The following OCA2 variants were observed in gnomAD, a reference collection of about 807,000 sequenced individuals.
OCA2 encodes the protein P protein.
Under a neutral mutation model 100.2 loss-of-function variants are expected in OCA2, and 77 were observed. That is an observed-to-expected ratio of 0.77 (90% CI 0.64 to 0.93). OCA2 has a LOEUF of 0.93. Among genes scored for constraint, OCA2 ranks in the 40% least tolerant of loss-of-function variants. OCA2 has a pLI of 0.00. For synonymous variants in OCA2, 432 were observed against 439.2 expected, an observed-to-expected ratio of 0.98 and a Z score of 0.21; for missense variants, 1,062 against 1,089.1, an observed-to-expected ratio of 0.98 and a Z score of 0.35.
intron 23 of OCA2, among the ~76,000 whole-genome samples, chr15:27,817,616 A>C (rs1326882868): frequency 6.6e-6 from 1 of 151,940 alleles, no homozygotes; most frequent in Non-Finnish European, 1.5e-5. Flanking sequence ...ACCCTCCATG[A>C]TCCTCTTAGA....
At chr15:27,814,388 G>A (rs994323931) in intron 23 of OCA2, among the ~76,000 whole-genome samples, 1 of 152,178 alleles carries the variant, frequency 6.6e-6, no homozygotes, top group Non-Finnish European at 1.5e-5. Flanking sequence ...ATTGACAAAA[G>A]ACTGAGGAAG....
chr15:27,879,938 C>T lies in OCA2; in HGVS notation c.2080-8016G>A, dbSNP rs2036947571. On this transcript the variant is annotated intron_variant, in intron 19 of 23. Transcript: ENST00000354638. The stretch of plus-strand genomic sequence containing the variant: ...TGAAATCTATGTTTGTGCCTATGTC[C>T]TGAATGGTATTGCCTAGATTTTCTT... Among the ~76,000 whole-genome samples, 3 of 152,212 alleles carry T rather than the reference C, an allele frequency of 2.0e-5. No homozygotes were observed. In the South Asian group the frequency reaches 6.2e-4, roughly 32 times the overall value.
chr15:27,918,997 G>C (rs2038767139), intron 19 of OCA2, among the ~76,000 whole-genome samples: 1 of 152,130 alleles, frequency 6.6e-6, no homozygotes, highest in South Asian at 2.1e-4. Context: ...AGTGAAATAA[G>C]CTATAAAGAA....
intron 7 of OCA2, among the ~76,000 whole-genome samples, chr15:28,017,215 G>C (rs1274497062): frequency 6.6e-6 from 1 of 152,190 alleles, no homozygotes; most frequent in African/African-American, 2.4e-5. Flanking sequence ...TGTTTGCAAA[G>C]AGCGTATCTG....
In OCA2 at chr15:27,851,447, T is replaced by G. The variant is rs752888326; in HGVS notation, c.2273A>C (p.Asp758Ala). Reference protein sequence around the residue: ...MIPVLLNLSHDPEVGLPAPPL... With the variant: ...MIPVLLNLSHAPEVGLPAPPL... ...CGGTGCGGGCAGGCCAACCTCAGGG[T>G]CGTGGCTCAGGTTCAGGAGCACGGG... Residue 758 changes from aspartate to alanine, a missense_variant, in exon 22 of 24, where the codon GAC becomes GCC. Asp to Ala is a moderately radical substitution (Grantham distance 126). Transcript: ENST00000354638. 6.2e-7 allele frequency: 1 copy of G among 1,613,628 alleles called. No homozygotes were observed. Among genetic ancestry groups the G allele is most frequent in the African/African-American group, 1.3e-5 (1 of 74,894 alleles).
intron 14 of OCA2, among the ~76,000 whole-genome samples, chr15:27,975,895 T>G (rs975052579): frequency 6.6e-6 from 1 of 152,200 alleles, no homozygotes; most frequent in Non-Finnish European, 1.5e-5. Context: ...TTAACAATAT[T>G]GAGTTTTCCA....
intron 2 of OCA2, among the ~76,000 whole-genome samples, chr15:28,050,191 G>A (rs539131532): frequency 6.6e-6 from 1 of 152,202 alleles, no homozygotes; most frequent in Admixed American, 6.5e-5. Flanking sequence ...AGGGTGAGGT[G>A]GGAGGATCGC....
chr15:27,883,092 G>C lies in OCA2; in HGVS notation c.2080-11170C>G, dbSNP rs182255398. On this transcript the variant is annotated intron_variant, in intron 19 of 23. Coordinates refer to ENST00000354638, the MANE Select transcript of OCA2 (RefSeq NM_000275.3). ...GGGGCTTCTTTGGCTCTCTCTTCTG[G>C]TTTTCCCCCACACTCCCTGGCCTGC... Among the ~76,000 whole-genome samples the C allele has an allele frequency of 2.0e-5, 3 of 152,158 alleles. No individual in the cohort carries two copies. In the East Asian group the frequency reaches 5.8e-4, roughly 29 times the overall value.
intron 23 of OCA2, among the ~76,000 whole-genome samples, chr15:27,837,344 A>T (rs2151341600): frequency 6.6e-6 from 1 of 152,324 alleles, no homozygotes; most frequent in East Asian, 1.9e-4. Flanking sequence ...ATGCCACATC[A>T]CTGCATCTGC....
rs943684890 is a variant in OCA2, at chr15:27,983,559, T to C, written c.1365-76A>G. 2.6e-6 allele frequency: 4 copies of C among 1,536,302 alleles called. No homozygotes were observed. In the African/African-American group the frequency reaches 4.1e-5, roughly 16 times the overall value. On this transcript the variant is annotated intron_variant, in intron 13 of 23. Transcript: ENST00000354638. Reference sequence around the variant, plus strand: ...AGGCCCACATGCAACCCAGAGATTTTTAAGGCGCTTGCTCGTATAAGGGAG... The same window carrying C: ...AGGCCCACATGCAACCCAGAGATTTCTAAGGCGCTTGCTCGTATAAGGGAG...
chr15:27,913,899 GC>G (rs1567098723), intron 19 of OCA2, among the ~76,000 whole-genome samples: 528 of 32,764 alleles, frequency 0.016, 57 homozygotes, highest in South Asian at 0.11. Context: ...AAGAAAGCAA[GC>G]AAGCAAGCAA....
At chr15:27,756,503 A>G (rs16950401) in intron 23 of OCA2, among the ~76,000 whole-genome samples, 1,946 of 152,370 alleles carry the variant, frequency 0.013, 34 homozygotes, top group African/African-American at 0.038. Flanking sequence ...AAAAAGAAAC[A>G]CAGAACATAT....
chr15:27,863,921 G>C (rs2036226009), intron 21 of OCA2, among the ~76,000 whole-genome samples: 1 of 152,004 alleles, frequency 6.6e-6, no homozygotes, highest in East Asian at 1.9e-4. Flanking sequence ...GTGTCGGTGG[G>C]ACACAGTGGA....
chr15:27,775,334 T>C (rs2032148997), intron 23 of OCA2, among the ~76,000 whole-genome samples: 1 of 152,194 alleles, frequency 6.6e-6, no homozygotes, highest in African/African-American at 2.4e-5. Context: ...GCAGGGGCCA[T>C]GCTGCCCAGA....
intron 23 of OCA2, among the ~76,000 whole-genome samples, chr15:27,763,729 G>A (rs1437342043): frequency 6.6e-6 from 1 of 152,214 alleles, no homozygotes; most frequent in Non-Finnish European, 1.5e-5. Flanking sequence ...TGCTGGGCTG[G>A]GAGGAGACTG....
intron 14 of OCA2, among the ~76,000 whole-genome samples, chr15:27,968,080 C>T (rs1011176563): frequency 3.3e-5 from 5 of 152,134 alleles, no homozygotes; most frequent in Non-Finnish European, 7.4e-5. Flanking sequence ...AAGTCAGCAG[C>T]GTCATTGGTT....
At chr15:28,024,076 C>G (rs1009211824) in intron 5 of OCA2, among the ~76,000 whole-genome samples, 1 of 152,214 alleles carries the variant, frequency 6.6e-6, no homozygotes, top group Non-Finnish European at 1.5e-5. Flanking sequence ...ACAAAGCACA[C>G]CAAGGCTGGC....
At chr15:28,087,235 G>C (rs2044791514) in intron 1 of OCA2, among the ~76,000 whole-genome samples, 1 of 152,082 alleles carries the variant, frequency 6.6e-6, no homozygotes, top group South Asian at 2.1e-4. Context: ...CAGAAACCAT[G>C]GTGGCCAGAA....
intron 2 of OCA2, among the ~76,000 whole-genome samples, chr15:28,069,537 C>G (rs1238892494): frequency 3.6e-5 from 5 of 137,996 alleles, no homozygotes; most frequent in Middle Eastern, 3.8e-3. Flanking sequence ...CTCAGTCTGC[C>G]GAATGCCTGC....
Sources: allele counts gnomAD v4.1 joint callset (sites outside exome capture counted in the v4.1 genomes callset), GRCh38; gene constraint gnomAD v4.1.1; transcripts MANE v1.5; gene names NCBI Gene and HGNC (gene_info 2026-07-23, HGNC 2026-07-21).